The following TJP2 variants were observed in gnomAD, a reference collection of about 807,000 sequenced individuals.
TJP2 encodes tight junction protein 2, also known as Friedreich ataxia region gene X104 (tight junction protein ZO-2).
A neutral mutation model predicts 133.1 loss-of-function variants in TJP2; 91 were observed. That is an observed-to-expected ratio of 0.68 (90% CI 0.58 to 0.81). TJP2 has a LOEUF of 0.81. TJP2 is among the 40% of genes least tolerant of loss of function. The pLI, the probability that TJP2 is intolerant of heterozygous loss-of-function variation, is 0.00. For missense variants in TJP2, 1,541 were observed against 1,565.6 expected (o/e 0.98, Z 0.26); for synonymous variants, 592 against 583.4 (o/e 1.01, Z -0.21).
At chr9:69,238,928 C>G in intron 16 of TJP2, 139 bp downstream of exon 16, 1 of 761,442 alleles carries the variant, frequency 1.3e-6, no homozygotes, top group Non-Finnish European at 2.3e-6. Context: ...TGGCTTACAC[C>G]TGTAATCCCA....
intron 1 of TJP2, among the ~76,000 whole-genome samples, chr9:69,176,618 A>C (rs567350636): frequency 4.7e-4 from 71 of 152,336 alleles, no homozygotes; most frequent in Non-Finnish European, 9.3e-4. Context: ...AGGCATTCAT[A>C]GGCTTAAGAC....
Position 69,174,909 on chromosome 9 carries a change from G to GT in TJP2, c.60+496dup, listed in dbSNP as rs35641843. Among the ~76,000 whole-genome samples the GT allele has an allele frequency of 2.2e-3, 304 of 139,274 alleles. 1 individual carries two copies. The highest frequency in any genetic ancestry group is 2.5e-3 in the Non-Finnish European group (163 of 64,716). 91.4% of individuals were successfully genotyped at this position (139,274 alleles called of 152,430 possible). ...TGCGTCTGTAATAGAAGTAAAAGTTGTTTTTTTTTTTTTTTTTTTCCAGTA... is the reference window on the plus strand; with the variant it reads ...TGCGTCTGTAATAGAAGTAAAAGTTGTTTTTTTTTTTTTTTTTTTTCCAGTA... On this transcript the variant is annotated intron_variant, in intron 1 of 22. Transcript: ENST00000377245.
intron 2 of TJP2, among the ~76,000 whole-genome samples, chr9:69,162,145 A>G (rs1438994663): frequency 2.0e-5 from 3 of 148,024 alleles, no homozygotes; most frequent in Non-Finnish European, 3.0e-5. Context: ...ATATGAATAT[A>G]TATGCCTTTA....
At chr9:69,133,496 C>T (rs1326564755) in intron 1 of TJP2, among the ~76,000 whole-genome samples, 3 of 151,516 alleles carry the variant, frequency 2.0e-5, no homozygotes, top group Non-Finnish European at 4.4e-5. Context: ...ATTCCTGCCA[C>T]ACTGCTCCGC....
At chr9:69,231,196 G>T (rs138644745) in intron 11 of TJP2, among the ~76,000 whole-genome samples, 2 of 152,048 alleles carry the variant, frequency 1.3e-5, no homozygotes, top group Non-Finnish European at 1.5e-5. Flanking sequence ...CGCAACCTCC[G>T]CCTCCTGGGT....
intron 2 of TJP2, among the ~76,000 whole-genome samples, chr9:69,215,106 G>C (rs1165662099): frequency 6.6e-6 from 1 of 152,132 alleles, no homozygotes; most frequent in Non-Finnish European, 1.5e-5. Flanking sequence ...AGAAGTGGGA[G>C]CTAAACATTG....
chr9:69,228,625 T>A (rs62567150), intron 9 of TJP2, among the ~76,000 whole-genome samples: 13,331 of 152,268 alleles, frequency 0.088, 675 homozygotes, highest in African/African-American at 0.13. Context: ...TATGTATAGA[T>A]AAGTGTGTAC....
intron 1 of TJP2, among the ~76,000 whole-genome samples, chr9:69,140,772 A>G (rs1029816012): frequency 2.4e-4 from 36 of 152,214 alleles, no homozygotes; most frequent in African/African-American, 8.7e-4. Flanking sequence ...CTCATAGTAG[A>G]AACAGCGTAG....
At chr9:69,154,640 G>GA (rs1333107779) in intron 2 of TJP2, among the ~76,000 whole-genome samples, 1 of 149,224 alleles carries the variant, frequency 6.7e-6, no homozygotes, top group South Asian at 2.1e-4. Context: ...AAAAAAAAAA[G>GA]AAGGCCAGGC....
At chr9:69,241,277 T>A (rs2133419387) in intron 17 of TJP2, among the ~76,000 whole-genome samples, 1 of 152,348 alleles carries the variant, frequency 6.6e-6, no homozygotes, top group Middle Eastern at 3.4e-3. Flanking sequence ...CATATGAGAT[T>A]ATTAAGAGTT....
intron 16 of TJP2, 120 bp downstream of exon 16, chr9:69,238,909 C>A: frequency 2.2e-6 from 2 of 907,692 alleles, no homozygotes; most frequent in South Asian, 1.4e-5. Context: ...AAAAATTGGC[C>A]GGGCACAGTG....
chr9:69,225,477 A>G, intron 6 of TJP2, 70 bp downstream of exon 6: 1 of 1,023,468 alleles, frequency 9.8e-7, no homozygotes, highest in South Asian at 1.3e-5. Context: ...CACATTCAGC[A>G]CCCACACAGT....
intron 1 of TJP2, among the ~76,000 whole-genome samples, chr9:69,146,706 AG>A (rs1474801172): frequency 7.4e-6 from 1 of 135,102 alleles, no homozygotes; most frequent in Non-Finnish European, 1.6e-5. Context: ...TTTGCTCCCC[AG>A]GGGACAATTG....
At chr9:69,252,961 A>G (rs1831450639) in intron 22 of TJP2, 61 bp downstream of exon 22, 1 of 1,511,154 alleles carries the variant, frequency 6.6e-7, no homozygotes, top group African/African-American at 1.4e-5. Context: ...TGGGACTTGA[A>G]GAAAGAATTT....
intron 1 of TJP2, among the ~76,000 whole-genome samples, chr9:69,210,397 C>T (rs1451746550): frequency 6.9e-6 from 1 of 145,862 alleles, no homozygotes; most frequent in Non-Finnish European, 1.5e-5. Flanking sequence ...AAAGAAAAAA[C>T]TTTGAGTGCC....
intron 17 of TJP2, chr9:69,246,390 G>T (rs1221516696): frequency 1.6e-5 from 6 of 381,108 alleles, no homozygotes; most frequent in Non-Finnish European, 3.0e-5. Context: ...ACCACACCTG[G>T]CCGAAAACAC....
intron 1 of TJP2, among the ~76,000 whole-genome samples, chr9:69,185,894 T>A (rs1825824916): frequency 6.6e-6 from 1 of 151,478 alleles, no homozygotes; most frequent in African/African-American, 2.4e-5. Flanking sequence ...TTTTTTTTTT[T>A]TTCTTTTTTT....
At chr9:69,167,306 G>A (rs1046526691) in intron 2 of TJP2, among the ~76,000 whole-genome samples, 2 of 152,058 alleles carry the variant, frequency 1.3e-5, no homozygotes, top group African/African-American at 2.4e-5. Flanking sequence ...AACATTTTTC[G>A]TTTCTTGATA....
At chr9:69,136,680 A>AGG (rs1388657925) in intron 1 of TJP2, among the ~76,000 whole-genome samples, 1 of 152,206 alleles carries the variant, frequency 6.6e-6, no homozygotes, top group Non-Finnish European at 1.5e-5. Context: ...AGGAAACTAC[A>AGG]TCCATTTCCT....
Sources: allele counts gnomAD v4.1 joint callset (sites outside exome capture counted in the v4.1 genomes callset), GRCh38; gene constraint gnomAD v4.1.1; transcripts MANE v1.5; gene names NCBI Gene and HGNC (gene_info 2026-07-23, HGNC 2026-07-21).